NNMT: variants seen among roughly 807,000 people sequenced by gnomAD.
The protein encoded by NNMT is nicotinamide N-methyltransferase.
A neutral mutation model predicts 11.7 loss-of-function variants in NNMT; 10 were observed. The ratio of observed to expected loss-of-function variants is 0.85; its 90% CI spans 0.53 to 1.45. NNMT has a LOEUF of 1.45. NNMT is among the 40% of genes most tolerant of loss of function. NNMT has a pLI of 0.00. For missense variants in NNMT, 381 were observed against 319.4 expected (o/e 1.19, Z -1.47); for synonymous variants, 143 against 133.8 (o/e 1.07, Z -0.48).
chr11:114,274,267 A>C (rs1276583828), intron 2 of NNMT, among the ~76,000 whole-genome samples: 2 of 152,256 alleles, frequency 1.3e-5, no homozygotes, highest in Non-Finnish European at 2.9e-5. Context: ...CGATTTAGAA[A>C]TATTCTTGTT....
At chr11:114,262,184 A>G (rs1181318468) in intron 1 of NNMT, among the ~76,000 whole-genome samples, 2 of 152,024 alleles carry the variant, frequency 1.3e-5, no homozygotes, top group African/African-American at 4.8e-5. Flanking sequence ...CCCTTTTTAA[A>G]TTTTATTTTT....
At chr11:114,260,747 A>G (rs1039459986) in intron 1 of NNMT, among the ~76,000 whole-genome samples, 2 of 152,192 alleles carry the variant, frequency 1.3e-5, no homozygotes, top group African/African-American at 4.8e-5. Flanking sequence ...GGACCCACGG[A>G]ACCAAGCACC....
At chr11:114,278,222 G>A (rs1425043361) in intron 2 of NNMT, among the ~76,000 whole-genome samples, 4 of 152,062 alleles carry the variant, frequency 2.6e-5, no homozygotes, top group Non-Finnish European at 5.9e-5. Flanking sequence ...ATTTCACACG[G>A]CGAGAGAGGG....
chr11:114,275,691 AGT>A (rs1160153590), intron 2 of NNMT, among the ~76,000 whole-genome samples: 2 of 151,962 alleles, frequency 1.3e-5, no homozygotes, highest in Non-Finnish European at 2.9e-5. Flanking sequence ...ATATCTTGCG[AGT>A]GTGTGTATGG....
chr11:114,312,254 G>A lies in NNMT; in HGVS notation c.572G>A (p.Gly191Asp). 1.9e-6 allele frequency: 3 copies of A among 1,614,214 alleles called. No homozygotes were observed. The highest frequency in any genetic ancestry group is 1.7e-5 in the Admixed American group (1 of 60,024). Reference protein sequence around the residue: ...RNLGSLLKPGGFLVIMDALKS... With the variant: ...RNLGSLLKPGDFLVIMDALKS... ...CTCGGCAGCCTACTGAAGCCAGGGG[G>A]CTTCCTGGTGATCATGGATGCGCTC... is the stretch of plus-strand genomic sequence containing the variant. Residue 191 changes from glycine to aspartate, a missense_variant, in exon 3 of 3, where the codon GGC (glycine) becomes GAC (aspartate). Coordinates refer to ENST00000299964, the MANE Select transcript of NNMT (RefSeq NM_006169.3).
intron 2 of NNMT, among the ~76,000 whole-genome samples, chr11:114,307,131 T>A (rs1941399): frequency 3.3e-5 from 5 of 151,934 alleles, no homozygotes; most frequent in South Asian, 4.2e-4. Flanking sequence ...CCACCTTATC[T>A]CCCCAGGAAA....
intron 2 of NNMT, among the ~76,000 whole-genome samples, chr11:114,284,934 T>C (rs1945287321): frequency 6.6e-6 from 1 of 151,926 alleles, no homozygotes; most frequent in Non-Finnish European, 1.5e-5. Context: ...CATGACGGGC[T>C]AATTTTTGTA....
chr11:114,305,311 C>T (rs139544162), intron 2 of NNMT, among the ~76,000 whole-genome samples: 1,583 of 151,814 alleles, frequency 0.01, 12 homozygotes, highest in Middle Eastern at 0.041. Flanking sequence ...TGGACCACCT[C>T]CTGGTTGCCT....
intron 2 of NNMT, among the ~76,000 whole-genome samples, chr11:114,280,701 A>G (rs900952546): frequency 2.0e-5 from 3 of 152,104 alleles, no homozygotes; most frequent in Admixed American, 6.5e-5. Context: ...AAAAGGAGGA[A>G]CAAGGACAGC....
chr11:114,279,036 G>A (rs908257872), intron 2 of NNMT, among the ~76,000 whole-genome samples: 4 of 152,184 alleles, frequency 2.6e-5, no homozygotes, highest in African/African-American at 7.2e-5. Context: ...ACGAGGGTGT[G>A]TGTCCTGCGA....
chr11:114,289,480 T>C (rs1350204611), intron 2 of NNMT, among the ~76,000 whole-genome samples: 2 of 152,198 alleles, frequency 1.3e-5, no homozygotes, highest in African/African-American at 2.4e-5. Flanking sequence ...TTTACTAGTA[T>C]GCATATTTGA....
chr11:114,279,772 C>A (rs1032680325), intron 2 of NNMT, among the ~76,000 whole-genome samples: 1 of 152,158 alleles, frequency 6.6e-6, no homozygotes, highest in Non-Finnish European at 1.5e-5. Context: ...GTGAGGATAA[C>A]AATTTTTGCC....
intron 2 of NNMT, among the ~76,000 whole-genome samples, chr11:114,267,454 A>G (rs1187573857): frequency 6.6e-6 from 1 of 152,126 alleles, no homozygotes; most frequent in Non-Finnish European, 1.5e-5. Context: ...CTTGCCACAC[A>G]ATTGTTATGA....
At chr11:114,303,089 A>G (rs1475658245) in intron 2 of NNMT, among the ~76,000 whole-genome samples, 3 of 152,240 alleles carry the variant, frequency 2.0e-5, no homozygotes, top group Non-Finnish European at 2.9e-5. Context: ...TATATTATGC[A>G]TATATTTAAG....
chr11:114,287,700 C>T (rs766512243), intron 2 of NNMT, among the ~76,000 whole-genome samples: 1 of 152,128 alleles, frequency 6.6e-6, no homozygotes, highest in Non-Finnish European at 1.5e-5. Context: ...TATTTTTCTT[C>T]TTTAAGAGTA....
intron 2 of NNMT, among the ~76,000 whole-genome samples, chr11:114,288,078 A>T (rs1945311047): frequency 6.6e-6 from 1 of 152,174 alleles, no homozygotes; most frequent in South Asian, 2.1e-4. Flanking sequence ...TTGATTTCAT[A>T]TCCAGATATT....
chr11:114,258,831 C>T (rs1362109642), intron 1 of NNMT, among the ~76,000 whole-genome samples: 1 of 152,166 alleles, frequency 6.6e-6, no homozygotes, highest in African/African-American at 2.4e-5. Flanking sequence ...GCCGATGGGA[C>T]CACGGGTGTT....
At chr11:114,268,822 C>T (rs1000979903) in intron 2 of NNMT, among the ~76,000 whole-genome samples, 10 of 151,068 alleles carry the variant, frequency 6.6e-5, no homozygotes, top group Middle Eastern at 3.5e-3. Context: ...CCTTAGAGCT[C>T]CTGAATCAGA....
intron 2 of NNMT, among the ~76,000 whole-genome samples, chr11:114,280,073 G>A (rs1945248464): frequency 6.6e-6 from 1 of 152,186 alleles, no homozygotes; most frequent in Non-Finnish European, 1.5e-5. Flanking sequence ...TGTACTGAGA[G>A]TCTGCTATGT....
Sources: gnomAD v4.1 joint callset for allele counts (sites outside exome capture counted in the v4.1 genomes callset) on GRCh38, gnomAD v4.1.1 for gene constraint, MANE v1.5 for transcripts, NCBI Gene and HGNC (gene_info 2026-07-23, HGNC 2026-07-21) for gene names.